The following CES5A variants were observed in gnomAD, a reference collection of about 807,000 sequenced individuals.
CES5A encodes the protein carboxylesterase 5.
CES5A carries 67 observed loss-of-function variants against 62.9 expected under a neutral mutation model. The observed-to-expected ratio is 1.07, with a 90% CI of 0.88 to 1.31. The LOEUF (loss-of-function observed/expected upper bound fraction) is 1.31, where lower values mean the gene tolerates loss of function less well. CES5A is among the 50% of genes most tolerant of loss of function. CES5A has a pLI of 0.00. For synonymous variants in CES5A, 296 were observed against 280.8 expected, an observed-to-expected ratio of 1.05 and a Z score of -0.54; for missense variants, 748 against 708.5, an observed-to-expected ratio of 1.06 and a Z score of -0.63.
chr16:55,915,077 A>G (rs1381379643), intron 1 of CES5A, among the ~76,000 whole-genome samples: 1 of 151,764 alleles, frequency 6.6e-6, no homozygotes, highest in African/African-American at 2.4e-5. Context: ...ATTGTGCATC[A>G]GAGACCAGTC....
intron 10 of CES5A, among the ~76,000 whole-genome samples, chr16:55,852,126 C>T (rs1452590696): frequency 6.6e-6 from 1 of 152,130 alleles, no homozygotes; most frequent in Non-Finnish European, 1.5e-5. Flanking sequence ...AGATGTATAG[C>T]GGTGATGGTT....
intron 2 of CES5A, among the ~76,000 whole-genome samples, chr16:55,941,499 A>G (rs1335151482): frequency 1.3e-5 from 2 of 152,134 alleles, no homozygotes; most frequent in Non-Finnish European, 2.9e-5. Flanking sequence ...CACCATGTTC[A>G]TGGATTGCAA....
At chr16:55,885,172 C>T (rs1243380003) in intron 1 of CES5A, among the ~76,000 whole-genome samples, 1 of 152,134 alleles carries the variant, frequency 6.6e-6, no homozygotes, top group Non-Finnish European at 1.5e-5. Context: ...CAAATACTTA[C>T]ATCATTGCAC....
At chr16:55,898,973 G>C (rs751522248) in intron 1 of CES5A, among the ~76,000 whole-genome samples, 1 of 152,196 alleles carries the variant, frequency 6.6e-6, no homozygotes, top group African/African-American at 2.4e-5. Flanking sequence ...GTTTTCTTAA[G>C]TTCCTACTGC....
At chr16:55,955,915 C>T in exon 1 of CES5A, 1 of 1,535,888 alleles carries the variant, frequency 6.5e-7, no homozygotes, top group Non-Finnish European at 8.7e-7. Context: ...AACACAAAAC[C>T]TCAGCATCCC....
intron 11 of CES5A, 54 bp from the exon 12 acceptor site, chr16:55,846,894 C>G: frequency 6.8e-7 from 1 of 1,470,360 alleles, no homozygotes; most frequent in Non-Finnish European, 9.5e-7. Context: ...CGGGAAGCCC[C>G]GGGTGCCTTG....
chr16:55,899,395 C>T (rs1264475094), intron 1 of CES5A, among the ~76,000 whole-genome samples: 4 of 152,208 alleles, frequency 2.6e-5, no homozygotes, highest in African/African-American at 9.7e-5. Flanking sequence ...GCCAGCAACA[C>T]TGAGGAAGCT....
intron 9 of CES5A, among the ~76,000 whole-genome samples, chr16:55,854,013 G>T (rs144277240): frequency 6.6e-6 from 1 of 152,124 alleles, no homozygotes. Context: ...GAGCAAGGGA[G>T]GCCTCTGCAG....
intron 1 of CES5A, among the ~76,000 whole-genome samples, chr16:55,911,558 T>C (rs1373877987): frequency 6.6e-6 from 1 of 152,214 alleles, no homozygotes; most frequent in Non-Finnish European, 1.5e-5. Context: ...TACTACTGTT[T>C]GCAGATAAAG....
Position 55,866,086 on chromosome 16 carries a change from C to G in CES5A, c.582G>C (p.Trp194Cys). Residue 194 changes from tryptophan to cysteine, a missense_variant, in exon 5 of 13, where the codon TGG becomes TGC. Coordinates refer to ENST00000290567, the MANE Select transcript of CES5A (RefSeq NM_001143685.2). ...TTWDQHAPGN[W>C]AFKDQVAALS... ...GAGCAGCCACCTGGTCCTTGAAGGC[C>G]CAGTTCCCCGGAGCATGCTGATCCC... 2 of 1,613,820 alleles carry G rather than the reference C, an allele frequency of 1.2e-6. No individual in the cohort carries two copies. The highest frequency in any genetic ancestry group is 1.7e-6 in the Non-Finnish European group (2 of 1,179,844).
At position 55,846,562 on chromosome 16, in the gene CES5A, C is replaced by T. The variant is rs750375972; in HGVS notation, c.1617G>A (p.Trp539Ter). 5 of 1,614,110 alleles carry T rather than the reference C, an allele frequency of 3.1e-6. No individual in the cohort carries two copies. Among genetic ancestry groups the T allele is most frequent in the Non-Finnish European group, 4.2e-6 (5 of 1,180,012 alleles). The change falls in exon 13 of 13, where the codon TGG becomes TGA. Residue 539 changes from tryptophan to a stop codon, truncating the protein, a stop_gained. Transcript: ENST00000290567. LOFTEE classifies it low-confidence loss of function (END_TRUNC). Reference protein sequence around the residue: ...QRLKEPRVDFWTSTIPLILSA... With the variant: ...QRLKEPRVDF Reference sequence around the variant, plus strand: ...ACAGGATCAGGGGGATGGTGCTGGTCCAAAAATCCACCCGCGGTTCTTTGA... The same window carrying T: ...ACAGGATCAGGGGGATGGTGCTGGTTCAAAAATCCACCCGCGGTTCTTTGA...
chr16:55,913,520 C>T (rs893763480), intron 1 of CES5A, among the ~76,000 whole-genome samples: 1 of 152,148 alleles, frequency 6.6e-6, no homozygotes, highest in African/African-American at 2.4e-5. Context: ...AGGGTCTTTT[C>T]GGGAAAGGGC....
chr16:55,858,922 A>C (rs144981935), intron 8 of CES5A, among the ~76,000 whole-genome samples: 29 of 152,124 alleles, frequency 1.9e-4, no homozygotes, highest in Admixed American at 5.2e-4. Context: ...CTCCCTAAAG[A>C]TACCTTCTCT....
At chr16:55,935,952 G>C (rs2034369758) in intron 2 of CES5A, among the ~76,000 whole-genome samples, 1 of 152,168 alleles carries the variant, frequency 6.6e-6, no homozygotes, top group Non-Finnish European at 1.5e-5. Context: ...TTGAGTCAAA[G>C]AGATGGCACA....
chr16:55,885,459 G>A (rs1443026937), intron 1 of CES5A, among the ~76,000 whole-genome samples: 1 of 152,192 alleles, frequency 6.6e-6, no homozygotes, highest in Non-Finnish European at 1.5e-5. Context: ...GGGAATTGGG[G>A]AGGGAGCCGG....
At chr16:55,853,343 G>A (rs2033169322) in intron 9 of CES5A, among the ~76,000 whole-genome samples, 1 of 152,182 alleles carries the variant, frequency 6.6e-6, no homozygotes, top group Non-Finnish European at 1.5e-5. Context: ...GGGCAGAACT[G>A]GCTGCATCAT....
Position 55,849,819 on chromosome 16 carries a change from A to G in CES5A, c.1274-46T>C, listed in dbSNP as rs776780923. 11 of 1,596,710 alleles carry G rather than the reference A, an allele frequency of 6.9e-6. 1 individual carries two copies. The South Asian group carries it at 1.2e-4, about 18-fold the overall frequency. Reference sequence around the variant, plus strand: ...GTCAGGCATGCATGCAGCGCGGAGCAGGGGGCTGGCTCTGTGTCCCCACCT... The same window carrying G: ...GTCAGGCATGCATGCAGCGCGGAGCGGGGGGCTGGCTCTGTGTCCCCACCT... On this transcript the variant is annotated intron_variant, in intron 10 of 12. Transcript: ENST00000290567.
intron 2 of CES5A, among the ~76,000 whole-genome samples, chr16:55,935,009 C>T (rs940041953): frequency 6.6e-6 from 1 of 152,186 alleles, no homozygotes; most frequent in Non-Finnish European, 1.5e-5. Context: ...GTGGTGTGAT[C>T]TCAGCTCACT....
At chr16:55,901,887 T>C (rs1489451409) in intron 1 of CES5A, among the ~76,000 whole-genome samples, 1 of 152,206 alleles carries the variant, frequency 6.6e-6, no homozygotes, top group Non-Finnish European at 1.5e-5. Flanking sequence ...ACATTGCAGC[T>C]GTGCTGGGAT....
Sources: allele counts gnomAD v4.1 joint callset (sites outside exome capture counted in the v4.1 genomes callset), GRCh38; gene constraint gnomAD v4.1.1; transcripts MANE v1.5; gene names NCBI Gene and HGNC (gene_info 2026-07-23, HGNC 2026-07-21).